ECT2: variants seen among roughly 807,000 people sequenced by gnomAD.
ECT2 encodes protein ECT2.
ECT2 carries 61 observed loss-of-function variants against 116.9 expected under a neutral mutation model. The ratio of observed to expected loss-of-function variants is 0.52; its 90% CI spans 0.42 to 0.65. The LOEUF is 0.65. ECT2 is among the 30% of genes least tolerant of loss of function. The probability of loss-of-function intolerance (pLI) is 0.00; values close to 1 mark genes in which losing one functional copy is unlikely to be tolerated. For synonymous variants in ECT2, 358 were observed against 346.4 expected, an observed-to-expected ratio of 1.03 and a Z score of -0.37; for missense variants, 937 against 1,078.7, an observed-to-expected ratio of 0.87 and a Z score of 1.84.
At chr3:172,760,128 G>A (rs1717935225) in intron 6 of ECT2, 28 bp from the exon 7 acceptor site, 14 of 1,503,710 alleles carry the variant, frequency 9.3e-6, no homozygotes, top group Non-Finnish European at 1.2e-5. Context: ...TAACCATAAA[G>A]TCAGTGTTGC....
At chr3:172,826,961 T>C in the ECT2 span, among the ~76,000 whole-genome samples, 1 of 152,170 alleles carries the variant, frequency 6.6e-6, no homozygotes, top group African/African-American at 2.4e-5. Context: ...AAAGATCCAA[T>C]TTTAAAATAG....
intron 18 of ECT2, among the ~76,000 whole-genome samples, chr3:172,789,214 T>C (rs1190106659): frequency 9.5e-6 from 1 of 104,964 alleles, no homozygotes; most frequent in Non-Finnish European, 1.9e-5. Flanking sequence ...CTCTCTCTCT[T>C]TTTTTGTTTT....
rs1460209048 is a variant in ECT2 at position 172,762,908 on chromosome 3, A to G, written c.1006-2A>G. On this transcript the variant is annotated splice_acceptor_variant, in intron 10 of 24. Coordinates refer to ENST00000392692, the MANE Select transcript of ECT2 (RefSeq NM_001258315.2). LOFTEE classifies it high-confidence loss of function. Reference sequence around the variant, plus strand: ...TATTAAAATGTTTTTTCTCTCACCTAGTGGTTCTGGGGAAGCATTCAAATG... The same window carrying G: ...TATTAAAATGTTTTTTCTCTCACCTGGTGGTTCTGGGGAAGCATTCAAATG... 2.5e-6 allele frequency: 4 copies of G among 1,613,526 alleles called. No individual in the cohort carries two copies. Among genetic ancestry groups the G allele is most frequent in the African/African-American group, 2.7e-5 (2 of 74,892 alleles).
intron 5 of ECT2, among the ~76,000 whole-genome samples, chr3:172,757,415 C>CTTTTTTT (rs34169147): frequency 8.3e-6 from 1 of 120,436 alleles, no homozygotes; most frequent in Non-Finnish European, 1.7e-5. Flanking sequence ...ATACATAGTC[C>CTTTTTTT]TTTTTTTTTT....
At chr3:172,771,639 G>A (rs754584041) in intron 13 of ECT2, among the ~76,000 whole-genome samples, 6 of 152,084 alleles carry the variant, frequency 3.9e-5, no homozygotes, top group Non-Finnish European at 7.4e-5. Flanking sequence ...TTTATGAGAC[G>A]AGAGATCAAT....
downstream of ECT2, among the ~76,000 whole-genome samples, chr3:172,821,626 C>G (rs1340093752): frequency 2.0e-5 from 3 of 151,804 alleles, no homozygotes; most frequent in Non-Finnish European, 4.4e-5. Context: ...ACGAGGCTAT[C>G]TGTAAGTTAG....
chr3:172,807,982 A>T (rs1728082083), intron 22 of ECT2, 58 bp downstream of exon 22: 2 of 1,479,946 alleles, frequency 1.4e-6, no homozygotes, highest in Admixed American at 4.2e-5. Context: ...GTGCATTCAG[A>T]CTAAACCTGT....
Position 172,803,052 on chromosome 3 carries a change from CT to C in ECT2, c.2106+75del, listed in dbSNP as rs1218661171. On this transcript the variant is annotated intron_variant, in intron 20 of 24. Coordinates refer to ENST00000392692, the MANE Select transcript of ECT2 (RefSeq NM_001258315.2). The stretch of plus-strand genomic sequence containing the variant: ...AGTTCCCTGAATATTTAAAACCAAG[CT>C]TTAATTGAAGAGTAATGTAGAATTT... 5.2e-6 allele frequency: 7 copies of C among 1,355,318 alleles called. No homozygotes were observed. The African/African-American group carries it at 7.4e-5, about 14-fold the overall frequency. 84.0% of individuals were successfully genotyped at this position (1,355,318 alleles called of 1,614,324 possible).
At position 172,769,244 on chromosome 3, in the gene ECT2, T is replaced by A. The variant is rs73880268; in HGVS notation, c.1428+101T>A. 15,527 of 1,144,746 alleles carry A rather than the reference T, an allele frequency of 0.014. 1,543 individuals carry two copies. The African/African-American group carries it at 0.21, about 16-fold the overall frequency. The allele number at this position is 1,144,746 out of a possible 1,614,324, so 70.9% of individuals were successfully genotyped here. ...TTACGAGAAAATTATATAAACATAG[T>A]ATTTGAACATGGATGTTAAAAATGG... On this transcript the variant is annotated intron_variant, in intron 13 of 24. Coordinates refer to ENST00000392692, the MANE Select transcript of ECT2 (RefSeq NM_001258315.2).
chr3:172,816,979 T>C (rs1577051672), intron 24 of ECT2, 142 bp downstream of exon 24: 3 of 594,926 alleles, frequency 5.0e-6, no homozygotes, highest in East Asian at 3.1e-5. Flanking sequence ...TAAAATATTA[T>C]CATTTGAATG....
In ECT2 at chr3:172,782,243, AT is replaced by A; in HGVS notation, c.1617+15del. 1 of 1,488,376 alleles carries A rather than the reference AT, an allele frequency of 6.7e-7. No individual in the cohort carries two copies. 92.2% of individuals were successfully genotyped at this position (1,488,376 alleles called of 1,614,324 possible). A position where few individuals can be genotyped will look rare whatever the true frequency, so the allele number is the denominator to read the frequency against. On this transcript the variant is annotated intron_variant, in intron 15 of 24. Coordinates refer to ENST00000392692, the MANE Select transcript of ECT2 (RefSeq NM_001258315.2). Reference sequence around the variant, plus strand: ...TTTTTCTGAAATATGTAAGTATTGTATTTCTTTTTTAAGTTTTCAGATTAAA... The same window carrying A: ...TTTTTCTGAAATATGTAAGTATTGTATTCTTTTTTAAGTTTTCAGATTAAA...
At chr3:172,827,282 A>C in the ECT2 span, among the ~76,000 whole-genome samples, 2 of 152,230 alleles carry the variant, frequency 1.3e-5, no homozygotes, top group African/African-American at 4.8e-5. Context: ...TGCTGGGTAT[A>C]TATTTAAAAG....
intron 14 of ECT2, among the ~76,000 whole-genome samples, chr3:172,774,960 G>A (rs1187980270): frequency 6.6e-6 from 1 of 152,128 alleles, no homozygotes; most frequent in Non-Finnish European, 1.5e-5. Flanking sequence ...GCTTTGGCTT[G>A]TTTTGAAAAC....
Position 172,764,853 on chromosome 3 carries a change from C to A in ECT2, c.1291+353C>A, listed in dbSNP as rs142820036. 4.1e-3 allele frequency among the ~76,000 whole-genome samples: 628 copies of A among 152,252 alleles called. 11 individuals carry two copies. Among genetic ancestry groups the A allele is most frequent in the African/African-American group, 0.015 (604 of 41,552 alleles). On this transcript the variant is annotated intron_variant, in intron 12 of 24. Transcript: ENST00000392692. ...GCAAACAAAGTCACAGGGGAGGTCA[C>A]ATAAATTATGGAGAAAATAGGTAGA...
intron 17 of ECT2, among the ~76,000 whole-genome samples, chr3:172,785,295 C>T (rs1723419257): frequency 6.6e-6 from 1 of 151,998 alleles, no homozygotes; most frequent in Non-Finnish European, 1.5e-5. Context: ...AGTTTTACAG[C>T]AGATAATTTT....
chr3:172,802,501 A>G, intron 18 of ECT2, 115 bp from the exon 19 acceptor site: 1 of 632,596 alleles, frequency 1.6e-6, no homozygotes, highest in South Asian at 2.5e-5. Context: ...GAATATTTTA[A>G]CTGATTCACT....
intron 20 of ECT2, 133 bp downstream of exon 20, chr3:172,803,113 CGAG>C (rs1727030895): frequency 2.4e-6 from 2 of 832,576 alleles, no homozygotes; most frequent in East Asian, 3.2e-5. Context: ...TTAAAAAAAT[CGAG>C]GACAATTTAT....
chr3:172,758,441 T>C (rs572836312), intron 5 of ECT2, among the ~76,000 whole-genome samples: 11 of 148,492 alleles, frequency 7.4e-5, no homozygotes, highest in South Asian at 4.2e-4. Flanking sequence ...ATTTATTCTT[T>C]TATTATTTTT....
At chr3:172,761,581 A>G (rs756764938) in intron 7 of ECT2, 29 bp from the exon 8 acceptor site, 2 of 1,526,978 alleles carry the variant, frequency 1.3e-6, no homozygotes, top group African/African-American at 1.4e-5. Flanking sequence ...ATTTAAGGAG[A>G]AAATTCACTG....
Sources: gnomAD v4.1 joint callset for allele counts (sites outside exome capture counted in the v4.1 genomes callset) on GRCh38, gnomAD v4.1.1 for gene constraint, MANE v1.5 for transcripts, NCBI Gene and HGNC (gene_info 2026-07-23, HGNC 2026-07-21) for gene names.